The following LRRC4C variants were observed in gnomAD, a reference collection of about 807,000 sequenced individuals.
The protein encoded by LRRC4C is leucine-rich repeat-containing protein 4C.
LRRC4C carries 5 observed loss-of-function variants against 33.6 expected under a neutral mutation model. The ratio of observed to expected loss-of-function variants is 0.15; its 90% confidence interval spans 0.08 to 0.31. LRRC4C has a LOEUF of 0.31. LRRC4C is among the 10% of genes least tolerant of loss of function. The pLI, the probability that LRRC4C is intolerant of heterozygous loss-of-function variation, is 1.00. For synonymous variants in LRRC4C, 329 were observed against 302.0 expected, an observed-to-expected ratio of 1.09 and a Z score of -0.93; for missense variants, 560 against 796.7, an observed-to-expected ratio of 0.70 and a Z score of 3.58.
intron 3 of LRRC4C, among the ~76,000 whole-genome samples, chr11:40,350,103 T>G (rs376976092): frequency 1.7e-4 from 26 of 152,184 alleles, no homozygotes; most frequent in African/African-American, 6.0e-4. Flanking sequence ...ATATTTAATT[T>G]CATTTGTCTG....
At chr11:40,992,272 T>A (rs970005604) in intron 1 of LRRC4C, among the ~76,000 whole-genome samples, 1 of 152,124 alleles carries the variant, frequency 6.6e-6, no homozygotes, top group African/African-American at 2.4e-5. Flanking sequence ...ATGCCACTCT[T>A]CCCACTAAAT....
At chr11:40,501,668 G>A (rs1954779368) in intron 3 of LRRC4C, among the ~76,000 whole-genome samples, 1 of 152,088 alleles carries the variant, frequency 6.6e-6, no homozygotes, top group Admixed American at 6.5e-5. Flanking sequence ...ACTGCACACA[G>A]CAGAGGGACC....
intron 1 of LRRC4C, among the ~76,000 whole-genome samples, chr11:41,309,004 A>G (rs1950578248): frequency 6.6e-6 from 1 of 152,018 alleles, no homozygotes; most frequent in South Asian, 2.1e-4. Flanking sequence ...GGGTTTCTTC[A>G]TGTTGGTCAG....
chr11:41,385,237 A>G (rs1196252293), intron 1 of LRRC4C, among the ~76,000 whole-genome samples: 1 of 151,480 alleles, frequency 6.6e-6, no homozygotes, highest in Admixed American at 6.6e-5. Context: ...TGGCCAATTT[A>G]AAGAATATGA....
chr11:40,892,359 G>C (rs1156283624), intron 2 of LRRC4C, among the ~76,000 whole-genome samples: 13 of 151,996 alleles, frequency 8.6e-5, no homozygotes, highest in Admixed American at 8.5e-4. Context: ...AAAAAAACAT[G>C]TACATATGCA....
At chr11:40,210,466 A>G (rs1863512316) in intron 5 of LRRC4C, among the ~76,000 whole-genome samples, 1 of 152,212 alleles carries the variant, frequency 6.6e-6, no homozygotes, top group South Asian at 2.1e-4. Flanking sequence ...AAATGGAAAA[A>G]GAGGAAAATG....
intron 1 of LRRC4C, among the ~76,000 whole-genome samples, chr11:41,200,573 A>T (rs2136258914): frequency 6.6e-6 from 1 of 152,204 alleles, no homozygotes; most frequent in South Asian, 2.1e-4. Context: ...CTGCAAAAAC[A>T]GAGATAAAAC....
At chr11:41,306,172 T>C (rs1316588016) in intron 1 of LRRC4C, among the ~76,000 whole-genome samples, 1 of 152,190 alleles carries the variant, frequency 6.6e-6, no homozygotes, top group African/African-American at 2.4e-5. Context: ...GACATCCTGA[T>C]CCTTCAAGTA....
chr11:41,375,343 G>A (rs1453907485), intron 1 of LRRC4C, among the ~76,000 whole-genome samples: 1 of 152,112 alleles, frequency 6.6e-6, no homozygotes, highest in Non-Finnish European at 1.5e-5. Flanking sequence ...AATTTCCGTT[G>A]ATGCTTAAGG....
At chr11:40,571,023 T>C (rs1468546127) in intron 3 of LRRC4C, among the ~76,000 whole-genome samples, 1 of 152,188 alleles carries the variant, frequency 6.6e-6, no homozygotes, top group East Asian at 1.9e-4. Context: ...AAACTATCAA[T>C]ATAAGTTCTG....
chr11:40,531,307 T>C (rs1487731098), intron 3 of LRRC4C, among the ~76,000 whole-genome samples: 1 of 152,154 alleles, frequency 6.6e-6, no homozygotes, highest in East Asian at 1.9e-4. Context: ...TCCTTCATCC[T>C]GACTGACCTA....
chr11:40,736,097 G>A (rs1484844096), intron 2 of LRRC4C, among the ~76,000 whole-genome samples: 1 of 152,026 alleles, frequency 6.6e-6, no homozygotes, highest in African/African-American at 2.4e-5. Flanking sequence ...ACGTGCCATG[G>A]TGGTTTTCTG....
intron 1 of LRRC4C, among the ~76,000 whole-genome samples, chr11:40,991,168 T>C (rs1315505984): frequency 6.9e-6 from 1 of 144,682 alleles, no homozygotes; most frequent in Non-Finnish European, 1.5e-5. Context: ...GGAAGACTTG[T>C]ATCCACCACA....
At chr11:40,754,805 T>C (rs1176144734) in intron 2 of LRRC4C, among the ~76,000 whole-genome samples, 2 of 152,124 alleles carry the variant, frequency 1.3e-5, no homozygotes, top group Non-Finnish European at 1.5e-5. Context: ...TTTATCATGC[T>C]CACATTTTTT....
chr11:41,255,423 A>C (rs80343584), intron 1 of LRRC4C, among the ~76,000 whole-genome samples: 6,907 of 152,090 alleles, frequency 0.045, 200 homozygotes, highest in South Asian at 0.074. Context: ...CCAGAGGAAA[A>C]CCAACTGATC....
chr11:40,443,568 G>T (rs1030660407), intron 3 of LRRC4C, among the ~76,000 whole-genome samples: 2 of 152,020 alleles, frequency 1.3e-5, no homozygotes, highest in Non-Finnish European at 2.9e-5. Context: ...TTTCCTCAGT[G>T]ACCCATTGGT....
At position 40,902,916 on chromosome 11, in the gene LRRC4C, C is replaced by T. The variant is rs538941058; in HGVS notation, c.-407+30719G>A. 4.5e-4 allele frequency among the ~76,000 whole-genome samples: 68 copies of T among 152,142 alleles called. 1 individual carries two copies. The South Asian group carries it at 0.011, about 25-fold the overall frequency. On this transcript the variant is annotated intron_variant, in intron 2 of 6. Transcript: ENST00000528697. ...TAAAAGTACAAGTTGAAATAGCAAG[C>T]GCTCAAGTAGAAACTGCAGCAAGTT... is the stretch of plus-strand genomic sequence containing the variant.
At chr11:41,005,496 C>T (rs1214139117) in intron 1 of LRRC4C, among the ~76,000 whole-genome samples, 6 of 152,124 alleles carry the variant, frequency 3.9e-5, no homozygotes, top group South Asian at 2.1e-4. Flanking sequence ...CCCAGCTGCT[C>T]GGGAGGCTGA....
intron 1 of LRRC4C, among the ~76,000 whole-genome samples, chr11:41,055,552 T>C (rs1446920661): frequency 2.0e-5 from 3 of 152,180 alleles, no homozygotes; most frequent in African/African-American, 7.2e-5. Flanking sequence ...TATTGAACTT[T>C]GATTTTAATT....
Sources: allele counts gnomAD v4.1 joint callset (sites outside exome capture counted in the v4.1 genomes callset), GRCh38; gene constraint gnomAD v4.1.1; transcripts MANE v1.5; gene names NCBI Gene and HGNC (gene_info 2026-07-23, HGNC 2026-07-21).